FAM120C: variants seen among roughly 807,000 people sequenced by gnomAD.
FAM120C encodes family with sequence similarity 120 member C.
A neutral mutation model predicts 71.2 loss-of-function variants in FAM120C; 14 were observed. That is an observed-to-expected ratio of 0.20 (90% CI 0.13 to 0.31). FAM120C has a LOEUF of 0.31. FAM120C is among the 10% of genes least tolerant of loss of function. FAM120C has a pLI of 1.00. For missense variants in FAM120C, 500 were observed against 879.0 expected (o/e 0.57, Z 5.45); for synonymous variants, 354 against 353.2 (o/e 1.00, Z -0.03).
chrX:54,077,131 T>A, intron 15 of FAM120C, among the ~76,000 whole-genome samples: 1 of 110,664 alleles, frequency 9.0e-6, no homozygotes, highest in Non-Finnish European at 1.9e-5. Context: ...CCAAGCAAAC[T>A]TCTGATACCA....
chrX:54,074,440 CAG>C (rs1277860088), intron 15 of FAM120C, among the ~76,000 whole-genome samples: 1 of 112,716 alleles, frequency 8.9e-6, no homozygotes, highest in Non-Finnish European at 1.9e-5. Flanking sequence ...CTTTTTGAGA[CAG>C]AGTTTCACTC....
chrX:54,150,782 T>G (rs1291511200), intron 4 of FAM120C, among the ~76,000 whole-genome samples: 1 of 111,734 alleles, frequency 8.9e-6, no homozygotes, highest in African/African-American at 3.3e-5. Flanking sequence ...GAAGTTTCAC[T>G]CTGTCACCCA....
At chrX:54,146,313 AT>A (rs2067155981) in intron 4 of FAM120C, among the ~76,000 whole-genome samples, 1 of 111,909 alleles carries the variant, frequency 8.9e-6, no homozygotes, top group African/African-American at 3.2e-5. Context: ...TAATAAAAAA[AT>A]AAATAAAATT....
intron 14 of FAM120C, among the ~76,000 whole-genome samples, chrX:54,080,863 GAA>G (rs35030129): frequency 2.6e-5 from 2 of 77,643 alleles, no homozygotes; most frequent in Non-Finnish European, 2.4e-5. Context: ...TCCATCTCAA[GAA>G]AAAAAAAAAA....
intron 10 of FAM120C, among the ~76,000 whole-genome samples, chrX:54,102,233 C>T (rs782633162): frequency 9.6e-6 from 1 of 104,493 alleles, no homozygotes; most frequent in South Asian, 4.5e-4. Flanking sequence ...GTCTATGTTG[C>T]CCAAGCTGGT....
chrX:54,143,424 C>T (rs1168317572), intron 4 of FAM120C, among the ~76,000 whole-genome samples: 2 of 110,666 alleles, frequency 1.8e-5, no homozygotes, highest in African/African-American at 6.6e-5. Context: ...GCTAGCAAGA[C>T]TAATAAAGAA....
intron 13 of FAM120C, among the ~76,000 whole-genome samples, chrX:54,083,337 C>T (rs782624021): frequency 1.8e-5 from 2 of 109,025 alleles, no homozygotes; most frequent in South Asian, 8.0e-4. Flanking sequence ...CATGGTGGCT[C>T]ACACCTGTAA....
intron 4 of FAM120C, among the ~76,000 whole-genome samples, chrX:54,149,605 C>A (rs781996794): frequency 9.7e-5 from 10 of 102,845 alleles, no homozygotes; most frequent in Non-Finnish European, 1.8e-4. Flanking sequence ...TACCATTGCA[C>A]TCCAGCCAAG....
intron 14 of FAM120C, 139 bp from the exon 15 acceptor site, chrX:54,080,428 T>C (rs1196378707): frequency 3.1e-5 from 15 of 484,590 alleles, no homozygotes; most frequent in Non-Finnish European, 5.3e-5. Context: ...CTACTGAACA[T>C]CTATCTTGGT....
At chrX:54,176,230 C>T (rs967302915) in intron 1 of FAM120C, among the ~76,000 whole-genome samples, 2 of 110,583 alleles carry the variant, frequency 1.8e-5, no homozygotes, top group African/African-American at 3.3e-5. Flanking sequence ...GTCAGGAGTT[C>T]GAAACCAGTC....
At chrX:54,161,835 T>G (rs1557134463) in intron 1 of FAM120C, among the ~76,000 whole-genome samples, 2 of 112,288 alleles carry the variant, frequency 1.8e-5, no homozygotes, top group African/African-American at 6.5e-5. Flanking sequence ...TTTCACCATG[T>G]TGGCCAGGCT....
intron 1 of FAM120C, among the ~76,000 whole-genome samples, chrX:54,175,670 C>T (rs959080187): frequency 1.8e-5 from 2 of 110,789 alleles, no homozygotes; most frequent in African/African-American, 6.6e-5. Context: ...CACCATGCCC[C>T]GCTACAAGAT....
intron 10 of FAM120C, among the ~76,000 whole-genome samples, chrX:54,092,106 TCCA>T (rs2066827334): frequency 8.9e-6 from 1 of 111,745 alleles, no homozygotes; most frequent in African/African-American, 3.3e-5. Context: ...TGTTGGTTCC[TCCA>T]CTTACTAGTT....
At chrX:54,144,851 T>C (rs974121541) in intron 4 of FAM120C, among the ~76,000 whole-genome samples, 7 of 111,925 alleles carry the variant, frequency 6.3e-5, no homozygotes, top group Non-Finnish European at 1.1e-4. Flanking sequence ...AGAGCCTGCA[T>C]TGCCAAGACA....
At chrX:54,081,789 AAAG>A (rs1339338825) in intron 13 of FAM120C, among the ~76,000 whole-genome samples, 1 of 107,614 alleles carries the variant, frequency 9.3e-6, no homozygotes, top group African/African-American at 3.4e-5. Context: ...AAAAAAAAAA[AAAG>A]AAGAAGAAAA....
At chrX:54,142,948 A>T (rs889480710) in intron 4 of FAM120C, among the ~76,000 whole-genome samples, 1 of 111,923 alleles carries the variant, frequency 8.9e-6, no homozygotes, top group Non-Finnish European at 1.9e-5. Context: ...GCTGTTCTGC[A>T]GGCTCCGCTG....
intron 8 of FAM120C, 146 bp from the exon 9 acceptor site, chrX:54,133,009 G>A: frequency 2.3e-6 from 1 of 433,601 alleles, no homozygotes; most frequent in Non-Finnish European, 3.7e-6. Flanking sequence ...AAAAGAAGCT[G>A]TAACAAGCTT....
At chrX:54,091,175 TA>T in intron 11 of FAM120C, 136 bp downstream of exon 11, 1 of 436,490 alleles carries the variant, frequency 2.3e-6, no homozygotes, top group Non-Finnish European at 4.0e-6. Flanking sequence ...TTCATAGACA[TA>T]AATATTTGGT....
At chrX:54,078,572 G>C (rs1162382054) in intron 15 of FAM120C, among the ~76,000 whole-genome samples, 1 of 111,507 alleles carries the variant, frequency 9.0e-6, no homozygotes, top group Non-Finnish European at 1.9e-5. Flanking sequence ...ATTAGATGAT[G>C]GGGATTAACA....
Sources: gnomAD v4.1 joint callset for allele counts (sites outside exome capture counted in the v4.1 genomes callset) on GRCh38, gnomAD v4.1.1 for gene constraint, MANE v1.5 for transcripts, NCBI Gene and HGNC (gene_info 2026-07-23, HGNC 2026-07-21) for gene names.